NT5M: variants seen among roughly 807,000 people sequenced by gnomAD.
NT5M encodes the protein 5',3'-nucleotidase, mitochondrial.
Under a neutral mutation model 22.2 loss-of-function variants are expected in NT5M, and 22 were observed. The ratio of observed to expected loss-of-function variants is 0.99; its 90% CI spans 0.71 to 1.41. The LOEUF (loss-of-function observed/expected upper bound fraction) is 1.41. NT5M is among the 40% of genes most tolerant of loss of function. The pLI, the probability that NT5M is intolerant of heterozygous loss-of-function variation, is 0.00. For missense variants in NT5M, 322 were observed against 314.8 expected (o/e 1.02, Z -0.17); for synonymous variants, 167 against 133.0 (o/e 1.26, Z -1.76).
chr17:17,331,491 G>T (rs1351438141), intron 3 of NT5M, among the ~76,000 whole-genome samples: 7 of 151,716 alleles, frequency 4.6e-5, no homozygotes, highest in Admixed American at 3.3e-4. Flanking sequence ...TGGCTGTTCA[G>T]ATGGCTAATA....
chr17:17,340,683 T>C (rs1167120503), intron 3 of NT5M, among the ~76,000 whole-genome samples: 1 of 151,974 alleles, frequency 6.6e-6, no homozygotes, highest in Non-Finnish European at 1.5e-5. Context: ...GGTGCCACCA[T>C]GCCCAGCTTA....
At chr17:17,331,901 C>T (rs532705765) in intron 3 of NT5M, among the ~76,000 whole-genome samples, 6 of 151,550 alleles carry the variant, frequency 4.0e-5, no homozygotes, top group African/African-American at 1.5e-4. Context: ...CTGCCTTGGC[C>T]TCCCAAGTAG....
At chr17:17,326,556 G>A (rs374064366) in intron 3 of NT5M, among the ~76,000 whole-genome samples, 8 of 152,226 alleles carry the variant, frequency 5.3e-5, no homozygotes, top group Admixed American at 2.0e-4. Context: ...CGTAGGGGCA[G>A]AGCCCGCAGA....
intron 2 of NT5M, among the ~76,000 whole-genome samples, chr17:17,320,816 T>C (rs2049136449): frequency 6.6e-6 from 1 of 152,090 alleles, no homozygotes; most frequent in Non-Finnish European, 1.5e-5. Flanking sequence ...GAGCGCAGGC[T>C]AGGACCCAGG....
At chr17:17,317,436 T>A (rs1299782532) in intron 2 of NT5M, among the ~76,000 whole-genome samples, 5 of 152,134 alleles carry the variant, frequency 3.3e-5, no homozygotes, top group Non-Finnish European at 5.9e-5. Context: ...AGTAACTACC[T>A]GAAAACATCA....
rs768379161 is a variant in NT5M at position 17,347,412 on chromosome 17, A to T, written c.*465A>T. On this transcript the variant is annotated 3_prime_UTR_variant, in exon 5 of 5. Transcript: ENST00000389022. ...AGCCCCTCTTGGTCTCAGCCACAGC[A>T]CCCCTTATTCCAGCTGCCCTGCCCA... 50 of 169,954 alleles carry T rather than the reference A, an allele frequency of 2.9e-4. No homozygotes were observed. The highest frequency in any genetic ancestry group is 2.8e-3 in the Middle Eastern group (1 of 358). 10.5% of individuals were successfully genotyped at this position (169,954 alleles called of 1,614,324 possible). A position where few individuals can be genotyped will look rare whatever the true frequency, so the allele number is the denominator to read the frequency against.
At chr17:17,319,263 G>C (rs1597765163) in intron 2 of NT5M, among the ~76,000 whole-genome samples, 1 of 152,120 alleles carries the variant, frequency 6.6e-6, no homozygotes, top group African/African-American at 2.4e-5. Context: ...TTAGAGCTAG[G>C]CAGCCCCTGG....
chr17:17,321,299 C>T (rs183093812), intron 2 of NT5M, among the ~76,000 whole-genome samples: 51 of 151,618 alleles, frequency 3.4e-4, no homozygotes, highest in African/African-American at 1.1e-3. Context: ...TTCCAGCACA[C>T]GTTTGAATAA....
chr17:17,309,146 C>T (rs2048872307), intron 2 of NT5M, among the ~76,000 whole-genome samples: 1 of 143,166 alleles, frequency 7.0e-6, no homozygotes, highest in Non-Finnish European at 1.5e-5. Flanking sequence ...TTTTTTGAGA[C>T]AGGGTCTTGC....
At chr17:17,341,698 C>T (rs2049644946) in intron 3 of NT5M, among the ~76,000 whole-genome samples, 1 of 152,170 alleles carries the variant, frequency 6.6e-6, no homozygotes, top group African/African-American at 2.4e-5. Flanking sequence ...TCAGGGGGAA[C>T]CCCATGCCCT....
At chr17:17,303,998 G>A in intron 1 of NT5M, 181 bp downstream of exon 1, 1 of 1,241,694 alleles carries the variant, frequency 8.1e-7, no homozygotes, top group African/African-American at 1.6e-5. Context: ...CCGCGCTCAG[G>A]ATCTGTTGGC....
At chr17:17,304,924 C>T (rs868516801) in intron 1 of NT5M, among the ~76,000 whole-genome samples, 1 of 152,214 alleles carries the variant, frequency 6.6e-6, no homozygotes, top group African/African-American at 2.4e-5. Flanking sequence ...TACCGTTTGT[C>T]TCCATCAACA....
intron 3 of NT5M, among the ~76,000 whole-genome samples, chr17:17,330,587 G>T (rs1174002829): frequency 6.6e-6 from 1 of 151,950 alleles, no homozygotes; most frequent in Non-Finnish European, 1.5e-5. Flanking sequence ...CATTGGCCAG[G>T]CTGGTCTCGA....
At chr17:17,339,111 A>G (rs2049586885) in intron 3 of NT5M, among the ~76,000 whole-genome samples, 1 of 152,200 alleles carries the variant, frequency 6.6e-6, no homozygotes, top group Admixed American at 6.5e-5. Context: ...TTATTCTTCT[A>G]ATCCATGGAC....
intron 1 of NT5M, 66 bp from the exon 2 acceptor site, chr17:17,306,477 T>G: frequency 1.8e-6 from 2 of 1,101,434 alleles, no homozygotes; most frequent in Admixed American, 1.7e-5. Context: ...CTGGCCATAC[T>G]CCCCAAGATG....
At chr17:17,319,197 G>A (rs1429983994) in intron 2 of NT5M, among the ~76,000 whole-genome samples, 1 of 146,216 alleles carries the variant, frequency 6.8e-6, no homozygotes, top group Non-Finnish European at 1.5e-5. Context: ...CTGGGCAAGA[G>A]TGAGACCTCG....
At chr17:17,341,526 A>G (rs1161350346) in intron 3 of NT5M, among the ~76,000 whole-genome samples, 1 of 152,072 alleles carries the variant, frequency 6.6e-6, no homozygotes, top group Non-Finnish European at 1.5e-5. Context: ...ATAATTTTCC[A>G]CTAAATCCCC....
In NT5M at chr17:17,346,831, C is replaced by T; in HGVS notation, c.571C>T (p.His191Tyr). 6.2e-7 allele frequency: 1 copy of T among 1,608,064 alleles called. No individual in the cohort carries two copies. The highest frequency in any genetic ancestry group is 8.5e-7 in the Non-Finnish European group (1 of 1,179,928). The change falls in exon 5 of 5, where the codon CAT becomes TAT. Residue 191 changes from histidine (H) to tyrosine (Y), a missense_variant. Coordinates refer to ENST00000389022, the MANE Select transcript of NT5M (RefSeq NM_020201.4). The part of the protein sequence containing the change: ...TGAEPTPSWE[H>Y]VLFTACHNQH... ...GGCCGAGCCAACCCCCAGCTGGGAG[C>T]ATGTCCTCTTCACCGCCTGCCACAA...
intron 2 of NT5M, among the ~76,000 whole-genome samples, chr17:17,321,114 A>G (rs905894000): frequency 6.6e-6 from 1 of 152,004 alleles, no homozygotes; most frequent in Admixed American, 6.6e-5. Flanking sequence ...GGGAGGTGCC[A>G]GCACACGTTT....
Sources: allele counts gnomAD v4.1 joint callset (sites outside exome capture counted in the v4.1 genomes callset), GRCh38; gene constraint gnomAD v4.1.1; transcripts MANE v1.5; gene names NCBI Gene and HGNC (gene_info 2026-07-23, HGNC 2026-07-21).